The following GSDME variants were observed in gnomAD, a reference collection of about 807,000 sequenced individuals.
GSDME encodes gasdermin-E.
A neutral mutation model predicts 47.5 loss-of-function variants in GSDME; 44 were observed. The observed-to-expected ratio is 0.93, with a 90% CI of 0.73 to 1.19. GSDME has a LOEUF of 1.19. GSDME is among the 50% of genes most tolerant of loss of function. The probability of loss-of-function intolerance (pLI) is 0.00; values close to 1 mark genes in which losing one functional copy is unlikely to be tolerated. For synonymous variants in GSDME, 258 were observed against 252.8 expected, an observed-to-expected ratio of 1.02 and a Z score of -0.20; for missense variants, 663 against 604.2, an observed-to-expected ratio of 1.10 and a Z score of -1.02.
the GSDME span, among the ~76,000 whole-genome samples, chr7:24,791,647 G>A: frequency 6.6e-6 from 1 of 152,130 alleles, no homozygotes; most frequent in East Asian, 1.9e-4. This position sits in a 1 kb window ranked among gnomAD's most constrained non-coding sequence, Gnocchi z 4.8. Flanking sequence ...TCTATCACCT[G>A]CCCTCATTCT....
At chr7:24,788,637 C>T in the GSDME span, among the ~76,000 whole-genome samples, 28 of 152,292 alleles carry the variant, frequency 1.8e-4, no homozygotes, top group South Asian at 2.9e-3. This position sits in a 1 kb window ranked among gnomAD's most constrained non-coding sequence, Gnocchi z 4.6. Flanking sequence ...CGGACATTAA[C>T]GGTGATAATG....
chr7:24,764,216 C>T, the GSDME span, among the ~76,000 whole-genome samples: 2 of 152,192 alleles, frequency 1.3e-5, no homozygotes, highest in Non-Finnish European at 2.9e-5. The surrounding 1 kb of genome is among the most constrained non-coding windows in gnomAD (Gnocchi z 4.4). Flanking sequence ...ATCCTGGCAC[C>T]TGACTCAATC....
upstream of GSDME, among the ~76,000 whole-genome samples, chr7:24,761,580 T>C (rs907191962): frequency 6.6e-6 from 1 of 152,226 alleles, no homozygotes; most frequent in Non-Finnish European, 1.5e-5. The surrounding 1 kb of genome is among the most constrained non-coding windows in gnomAD (Gnocchi z 4.4). Context: ...GTGATTAAGT[T>C]TCAACATATG....
chr7:24,707,699 CAG>C (rs769773350), intron 7 of GSDME: 35 of 340,286 alleles, frequency 1.0e-4, no homozygotes, highest in African/African-American at 4.5e-4. Context: ...CACACACACA[CAG>C]AGGGGAAGCC....
chr7:24,709,521 G>A (rs548773094), intron 6 of GSDME, among the ~76,000 whole-genome samples: 1 of 152,302 alleles, frequency 6.6e-6, no homozygotes, highest in African/African-American at 2.4e-5. Flanking sequence ...GTAGTCACCA[G>A]GGCTTCTGTG....
At chr7:24,778,195 G>A in the GSDME span, among the ~76,000 whole-genome samples, 1 of 151,622 alleles carries the variant, frequency 6.6e-6, no homozygotes, top group East Asian at 2.0e-4. The surrounding 1 kb of genome is among the most constrained non-coding windows in gnomAD (Gnocchi z 5.6). Context: ...AAGGGAAGGA[G>A]AGATCCAAGC....
chr7:24,741,789 A>T (rs552336099), intron 3 of GSDME, among the ~76,000 whole-genome samples: 2 of 152,304 alleles, frequency 1.3e-5, no homozygotes, highest in Non-Finnish European at 2.9e-5. Context: ...AGACAGGCAG[A>T]CAACGTGGAT....
chr7:24,709,321 G>C (rs1394219047), intron 6 of GSDME, among the ~76,000 whole-genome samples: 1 of 152,204 alleles, frequency 6.6e-6, no homozygotes, highest in Non-Finnish European at 1.5e-5. Flanking sequence ...GGGCCATTTT[G>C]CTGTGGTTCT....
In GSDME at chr7:24,698,609, C is replaced by A; in HGVS notation, c.*417G>T. 2 of 284,284 alleles carry A rather than the reference C, an allele frequency of 7.0e-6. No homozygotes were observed. The allele number at this position is 284,284 out of a possible 1,614,324, so 17.6% of individuals were successfully genotyped here. ...ATACATCACTTCCAAAACGTAGCCTCTTGTGTGCAGAGAAATTGCCTTCCC... is the reference window on the plus strand; with the variant it reads ...ATACATCACTTCCAAAACGTAGCCTATTGTGTGCAGAGAAATTGCCTTCCC... On this transcript the variant is annotated 3_prime_UTR_variant, in exon 10 of 10. Coordinates refer to ENST00000645220, the MANE Select transcript of GSDME (RefSeq NM_001127453.2).
chr7:24,772,865 A>G, the GSDME span, among the ~76,000 whole-genome samples: 1 of 152,318 alleles, frequency 6.6e-6, no homozygotes, highest in Admixed American at 6.5e-5. The surrounding 1 kb of genome is among the most constrained non-coding windows in gnomAD (Gnocchi z 4.5). Flanking sequence ...TCTTTTATTT[A>G]TAAAAGAGGC....
intron 9 of GSDME, among the ~76,000 whole-genome samples, chr7:24,701,266 T>C (rs956992533): frequency 1.3e-5 from 2 of 152,220 alleles, no homozygotes; most frequent in African/African-American, 2.4e-5. Flanking sequence ...GGAAGGTCTT[T>C]ACAGAAAAAG....
intron 7 of GSDME, 146 bp downstream of exon 7, chr7:24,707,981 G>A (rs1562689103): frequency 1.0e-6 from 1 of 1,002,180 alleles, no homozygotes; most frequent in African/African-American, 1.6e-5. Flanking sequence ...TCTGCACTTA[G>A]AAAACGCAGG....
In GSDME at chr7:24,717,307, G is replaced by A. The variant is rs1479230371; in HGVS notation, c.644C>T (p.Thr215Ile). The A allele has an allele frequency of 3.1e-6, 5 of 1,611,458 alleles. No individual in the cohort carries two copies. Among genetic ancestry groups the A allele is most frequent in the Admixed American group, 3.4e-5 (2 of 59,620 alleles). ...SNVVLEIPAA[T>I]TIAYGVIELY... ...CTCAATGACACCGTAGGCAATGGTG[G>A]TGGCAGCTGGGATCTCCAGCACCAC... The change falls in exon 5 of 10, where the codon ACC (threonine) becomes ATC (isoleucine). Residue 215 changes from threonine to isoleucine, a missense_variant. By Grantham distance (89) the Thr-to-Ile change is moderately conservative (BLOSUM62 -1). Coordinates refer to ENST00000645220, the MANE Select transcript of GSDME (RefSeq NM_001127453.2).
chr7:24,734,052 C>T (rs995480361), intron 3 of GSDME, among the ~76,000 whole-genome samples: 14 of 152,160 alleles, frequency 9.2e-5, no homozygotes, highest in African/African-American at 3.4e-4. Flanking sequence ...CTTGTGTCAC[C>T]TCTCCCCCAG....
chr7:24,789,049 A>G, the GSDME span, among the ~76,000 whole-genome samples: 1 of 152,128 alleles, frequency 6.6e-6, no homozygotes, highest in Non-Finnish European at 1.5e-5. Flanking sequence ...GTTTTCAGGG[A>G]TGCAGAGATG....
At chr7:24,758,602 T>G (rs1791111588), upstream of GSDME, among the ~76,000 whole-genome samples, 1 of 152,182 alleles carries the variant, frequency 6.6e-6, no homozygotes, top group African/African-American at 2.4e-5. The surrounding 1 kb of genome is among the most constrained non-coding windows in gnomAD (Gnocchi z 4.6). Context: ...TAAAGGCTGT[T>G]CGGGGAGGGC....
chr7:24,699,896 A>ATCTT (rs1240662179), intron 9 of GSDME, among the ~76,000 whole-genome samples: 2 of 152,228 alleles, frequency 1.3e-5, no homozygotes, highest in Non-Finnish European at 2.9e-5. Context: ...ACTTTCTTAT[A>ATCTT]TCTTTGCATG....
At position 24,703,819 on chromosome 7, in the gene GSDME, CCA is replaced by C. The variant is rs1305626284; in HGVS notation, c.1184-988_1184-987del. On this transcript the variant is annotated intron_variant, in intron 8 of 9. Coordinates refer to ENST00000645220, the MANE Select transcript of GSDME (RefSeq NM_001127453.2). ...GTATGCATTTGTCTGAAGAGAAGAT[CCA>C]CAGTTTCTCAAGTAGTCTCTTACCC... 4 of 152,242 alleles carry C rather than the reference CCA, an allele frequency of 2.6e-5. No individual in the cohort carries two copies. In the East Asian group the frequency reaches 7.7e-4, roughly 29 times the overall value. The allele number at this position is 152,242 out of a possible 1,614,324, so 9.4% of individuals were successfully genotyped here. A position where few individuals can be genotyped will look rare whatever the true frequency, so the allele number is the denominator to read the frequency against.
the GSDME span, among the ~76,000 whole-genome samples, chr7:24,791,901 T>C: frequency 6.6e-6 from 1 of 152,168 alleles, no homozygotes; most frequent in Admixed American, 6.5e-5. This position sits in a 1 kb window ranked among gnomAD's most constrained non-coding sequence, Gnocchi z 4.8. Context: ...GAACTTAGTG[T>C]TGGGAGAAGG....
Sources: allele counts gnomAD v4.1 joint callset (sites outside exome capture counted in the v4.1 genomes callset), GRCh38; gene constraint gnomAD v4.1.1; non-coding constraint Gnocchi (gnomAD v3.1); transcripts MANE v1.5; gene names NCBI Gene and HGNC (gene_info 2026-07-23, HGNC 2026-07-21).